SRGAP1: variants seen among roughly 807,000 people sequenced by gnomAD.
The protein encoded by SRGAP1 is SLIT-ROBO Rho GTPase-activating protein 1.
A neutral mutation model predicts 121.9 loss-of-function variants in SRGAP1; 43 were observed. The observed-to-expected ratio is 0.35, with a 90% CI of 0.28 to 0.46. The LOEUF (loss-of-function observed/expected upper bound fraction) is 0.46. Ranked by LOEUF, SRGAP1 falls within the 20% of genes least tolerant of loss-of-function variation. SRGAP1 has a pLI of 1.00. For missense variants in SRGAP1, 1,102 were observed against 1,350.9 expected (o/e 0.82, Z 2.89); for synonymous variants, 447 against 485.4 (o/e 0.92, Z 1.04).
At chr12:63,874,643 G>C (rs184533507) in intron 1 of SRGAP1, among the ~76,000 whole-genome samples, 1 of 152,212 alleles carries the variant, frequency 6.6e-6, no homozygotes, top group East Asian at 1.9e-4. Flanking sequence ...GGGAGGGACA[G>C]TTTTTTAAAA....
At chr12:63,956,967 A>G (rs2032493091) in intron 1 of SRGAP1, among the ~76,000 whole-genome samples, 1 of 152,136 alleles carries the variant, frequency 6.6e-6, no homozygotes, top group Admixed American at 6.5e-5. Context: ...ATGAAGTCAT[A>G]TATTTGTCCT....
At chr12:64,000,804 G>A (rs2033868477) in intron 3 of SRGAP1, among the ~76,000 whole-genome samples, 1 of 152,186 alleles carries the variant, frequency 6.6e-6, no homozygotes, top group African/African-American at 2.4e-5. Flanking sequence ...AGTTCCTATG[G>A]ATGCGGGATT....
chr12:64,024,090 G>T (rs531292366), intron 4 of SRGAP1, among the ~76,000 whole-genome samples: 6 of 152,202 alleles, frequency 3.9e-5, no homozygotes, highest in African/African-American at 1.4e-4. Flanking sequence ...CTGTTATATG[G>T]GTTACAGAAT....
chr12:64,030,967 A>G (rs1418940601), intron 4 of SRGAP1, among the ~76,000 whole-genome samples: 1 of 152,164 alleles, frequency 6.6e-6, no homozygotes, highest in East Asian at 1.9e-4. Flanking sequence ...GGTCAACAGA[A>G]CCAGAAGGAG....
chr12:63,938,537 G>C (rs990784368), intron 1 of SRGAP1, among the ~76,000 whole-genome samples: 1 of 152,134 alleles, frequency 6.6e-6, no homozygotes, highest in African/African-American at 2.4e-5. Flanking sequence ...AAGAATAGTT[G>C]ATTGCCTTCC....
At chr12:63,989,538 C>T (rs1227651161) in intron 2 of SRGAP1, among the ~76,000 whole-genome samples, 1 of 280 alleles carries the variant, frequency 3.6e-3, no homozygotes, top group Non-Finnish European at 8.1e-3. Flanking sequence ...CACAGTCTGT[C>T]TGGACAGTAG....
chr12:63,875,939 C>T (rs1900015653), intron 1 of SRGAP1, among the ~76,000 whole-genome samples: 1 of 152,152 alleles, frequency 6.6e-6, no homozygotes, highest in South Asian at 2.1e-4. Flanking sequence ...GTGCTGACAG[C>T]AGTGTTTATT....
At chr12:64,107,037 C>G (rs943022906) in intron 15 of SRGAP1, among the ~76,000 whole-genome samples, 1 of 152,126 alleles carries the variant, frequency 6.6e-6, no homozygotes, top group South Asian at 2.1e-4. Flanking sequence ...TAAAAGATGA[C>G]AGAGCTACGG....
chr12:64,073,494 G>A (rs1565668439), intron 8 of SRGAP1, among the ~76,000 whole-genome samples: 1 of 152,076 alleles, frequency 6.6e-6, no homozygotes, highest in East Asian at 1.9e-4. Flanking sequence ...ATCCAAGGGG[G>A]ATTGGTTCCA....
chr12:64,052,605 T>C (rs2035258346), intron 6 of SRGAP1, among the ~76,000 whole-genome samples: 1 of 151,838 alleles, frequency 6.6e-6, no homozygotes, highest in South Asian at 2.1e-4. Flanking sequence ...TCTGTAAGTA[T>C]GGCATATTTT....
intron 1 of SRGAP1, among the ~76,000 whole-genome samples, chr12:63,932,960 T>A (rs1405383163): frequency 1.3e-5 from 2 of 152,072 alleles, no homozygotes; most frequent in Non-Finnish European, 2.9e-5. Context: ...GAGGCCAAGG[T>A]GGGCAGATCA....
chr12:63,942,081 C>A (rs947422954), intron 1 of SRGAP1, among the ~76,000 whole-genome samples: 12 of 151,998 alleles, frequency 7.9e-5, no homozygotes, highest in African/African-American at 2.9e-4. Context: ...TTTTATGATC[C>A]CTCTATCAAT....
intron 6 of SRGAP1, among the ~76,000 whole-genome samples, chr12:64,056,565 AAAGAG>A (rs1255183609): frequency 6.6e-5 from 10 of 150,916 alleles, no homozygotes; most frequent in African/African-American, 1.5e-4. Context: ...AAAAAAAAAA[AAAGAG>A]AGAAAGAAAG....
At chr12:64,036,678 C>T (rs2034912053) in intron 4 of SRGAP1, among the ~76,000 whole-genome samples, 1 of 152,188 alleles carries the variant, frequency 6.6e-6, no homozygotes, top group South Asian at 2.1e-4. Context: ...TATTTGTCAT[C>T]CCATTAGTCC....
intron 1 of SRGAP1, among the ~76,000 whole-genome samples, chr12:63,894,588 C>T (rs1421268252): frequency 6.6e-5 from 10 of 151,966 alleles, no homozygotes; most frequent in Non-Finnish European, 1.2e-4. Context: ...TCTCCATTTA[C>T]ATTAGTTATA....
chr12:63,850,596 ATTTTTTTT>A lies in SRGAP1; in HGVS notation c.67+5724_67+5731del, dbSNP rs34957489. On this transcript the variant is annotated intron_variant, in intron 1 of 21. Coordinates refer to ENST00000355086, the MANE Select transcript of SRGAP1 (RefSeq NM_020762.4). ...TAGGTACACACCACCATACCTGGCT[ATTTTTTTT>A]TTTTTTTTTTGTAAAGATAGGGTTT... is the stretch of plus-strand genomic sequence containing the variant. Among the ~76,000 whole-genome samples the A allele has an allele frequency of 4.0e-5, 5 of 124,328 alleles. No individual in the cohort carries two copies. In the South Asian group the frequency reaches 1.3e-3, roughly 32 times the overall value. 81.6% of individuals were successfully genotyped at this position (124,328 alleles called of 152,430 possible).
chr12:63,924,740 AG>A (rs1274372083), intron 1 of SRGAP1, among the ~76,000 whole-genome samples: 1 of 152,078 alleles, frequency 6.6e-6, no homozygotes, highest in African/African-American at 2.4e-5. Context: ...TCATTCTCTC[AG>A]GGGTTACTTG....
At chr12:63,975,764 C>G (rs1427807105) in intron 1 of SRGAP1, among the ~76,000 whole-genome samples, 1 of 152,156 alleles carries the variant, frequency 6.6e-6, no homozygotes, top group East Asian at 1.9e-4. Flanking sequence ...TCCTTGATAA[C>G]AGATTAAATG....
chr12:64,068,049 C>T (rs761012762), intron 8 of SRGAP1, among the ~76,000 whole-genome samples: 29 of 152,068 alleles, frequency 1.9e-4, no homozygotes, highest in Middle Eastern at 3.4e-3. Flanking sequence ...GAGATCAAGG[C>T]GGGCAGATTG....
Sources: allele counts gnomAD v4.1 joint callset (sites outside exome capture counted in the v4.1 genomes callset), GRCh38; gene constraint gnomAD v4.1.1; transcripts MANE v1.5; gene names NCBI Gene and HGNC (gene_info 2026-07-23, HGNC 2026-07-21).